Variants in CACNA1B observed in about 807,000 individuals in gnomAD.
The protein encoded by CACNA1B is voltage-dependent N-type calcium channel subunit alpha-1B.
In CACNA1B, 70 loss-of-function variants were observed where a neutral mutation model predicts 247.2. That is an observed-to-expected ratio of 0.28 (90% CI 0.23 to 0.35). The LOEUF is 0.35. Among genes scored for constraint, CACNA1B ranks in the 10% least tolerant of loss-of-function variants. The probability of loss-of-function intolerance (pLI) is 1.00; values close to 1 mark genes in which losing one functional copy is unlikely to be tolerated. For missense variants in CACNA1B, 2,367 were observed against 3,197.4 expected (o/e 0.74, Z 6.26); for synonymous variants, 1,231 against 1,294.4 (o/e 0.95, Z 1.05).
At chr9:137,893,366 A>C (rs1374067089) in intron 3 of CACNA1B, among the ~76,000 whole-genome samples, 1 of 151,308 alleles carries the variant, frequency 6.6e-6, no homozygotes, top group Non-Finnish European at 1.5e-5. Flanking sequence ...AAAAAAAAAA[A>C]AACACTGGGT....
chr9:138,009,824 T>C (rs978127336), intron 16 of CACNA1B, among the ~76,000 whole-genome samples, 186 bp from the exon 17 acceptor site: 4 of 151,708 alleles, frequency 2.6e-5, no homozygotes, highest in African/African-American at 9.7e-5. Context: ...GAGGTGAGGA[T>C]GGAACAGGGG....
At chr9:137,969,018 G>A (rs540506825) in intron 10 of CACNA1B, among the ~76,000 whole-genome samples, 2 of 152,348 alleles carry the variant, frequency 1.3e-5, no homozygotes, top group Middle Eastern at 3.4e-3. Context: ...AGATGTTTCC[G>A]CGTTTCCTGT....
Position 138,120,832 on chromosome 9 carries a change from G to A in CACNA1B, c.6440G>A (p.Ser2147Asn). ...EPPKPKPSLS[S>N]HPTSPTAGQE... Reference sequence around the variant, plus strand: ...CCGAAGCCCAAGCCCTCCCTCAGCAGCCACCCAACGTCGCCAACAGCTGGC... The same window carrying A: ...CCGAAGCCCAAGCCCTCCCTCAGCAACCACCCAACGTCGCCAACAGCTGGC... The change falls in exon 46 of 47, where the codon AGC (serine) becomes AAC (asparagine). Residue 2147 changes from serine (S) to asparagine (N), a missense_variant. Coordinates refer to ENST00000371372, the MANE Select transcript of CACNA1B (RefSeq NM_000718.4). 6.4e-7 allele frequency: 1 copy of A among 1,571,086 alleles called. No homozygotes were observed. Among genetic ancestry groups the A allele is most frequent in the South Asian group, 1.2e-5 (1 of 85,438 alleles).
At chr9:138,093,875 A>C (rs542992420) in intron 36 of CACNA1B, among the ~76,000 whole-genome samples, 16 of 151,734 alleles carry the variant, frequency 1.1e-4, no homozygotes, top group African/African-American at 3.9e-4. Flanking sequence ...TCCTCAAAAT[A>C]GTAGTAAAAG....
chr9:138,117,471 G>C (rs1385106012), intron 42 of CACNA1B, among the ~76,000 whole-genome samples: 2 of 152,112 alleles, frequency 1.3e-5, no homozygotes, highest in South Asian at 2.1e-4. Flanking sequence ...TTCTCTTGCT[G>C]TCTGCTGGCA....
intron 36 of CACNA1B, among the ~76,000 whole-genome samples, chr9:138,080,689 G>T (rs958548748): frequency 5.3e-5 from 8 of 152,180 alleles, no homozygotes; most frequent in Admixed American, 3.3e-4. Context: ...CTTAATAGAT[G>T]ATGTGAGCCC....
rs1957207401 is a variant in CACNA1B at position 137,899,414 on chromosome 9, G to GT, written c.531-13765dup. 6.6e-6 allele frequency among the ~76,000 whole-genome samples: 1 copy of GT among 152,180 alleles called. No individual in the cohort carries two copies. Among genetic ancestry groups the GT allele is most frequent in the South Asian group, 2.1e-4 (1 of 4,834 alleles). ...GTTTCCTTCTCTTACAAAGAACTGT[G>GT]TAGTCTGCCAACTCCTGAGGGTGTC... is the stretch of plus-strand genomic sequence containing the variant. On this transcript the variant is annotated intron_variant, in intron 3 of 46. Transcript: ENST00000371372. The surrounding 1 kb of genome is among the most constrained non-coding windows in gnomAD (Gnocchi z 5.0).
chr9:138,016,114 TATA>T (rs1958789062), intron 18 of CACNA1B, among the ~76,000 whole-genome samples: 1 of 152,134 alleles, frequency 6.6e-6, no homozygotes, highest in South Asian at 2.1e-4. Context: ...CACATTCAGT[TATA>T]ATCATCCCAC....
At chr9:137,946,162 G>T (rs1957794074) in intron 6 of CACNA1B, among the ~76,000 whole-genome samples, 1 of 152,046 alleles carries the variant, frequency 6.6e-6, no homozygotes, top group African/African-American at 2.4e-5. Flanking sequence ...TTTAGGACAA[G>T]AATTTACCAT....
In CACNA1B at chr9:137,913,534, T is replaced by C. The variant is rs1957380264; in HGVS notation, c.622+263T>C. 6.6e-6 allele frequency among the ~76,000 whole-genome samples: 1 copy of C among 152,220 alleles called. No homozygotes were observed. The highest frequency in any genetic ancestry group is 6.5e-5 in the Admixed American group (1 of 15,286). On this transcript the variant is annotated intron_variant, in intron 4 of 46. Coordinates refer to ENST00000371372, the MANE Select transcript of CACNA1B (RefSeq NM_000718.4). This position sits in a 1 kb window ranked among gnomAD's most constrained non-coding sequence, Gnocchi z 5.2. ...AAGCTTTGTTCCTCCTCACATACTC[T>C]GTCACATTTCAGCATTTTGCTTCTT... is the stretch of plus-strand genomic sequence containing the variant.
rs116598517 is a variant in CACNA1B at position 137,982,081 on chromosome 9, C to A, written c.1657-2057C>A. On this transcript the variant is annotated intron_variant, in intron 12 of 46. Coordinates refer to ENST00000371372, the MANE Select transcript of CACNA1B (RefSeq NM_000718.4). ...TGTATTGACTTTTCCTGCTGGGGAA[C>A]AAATTATCCAAAAGCTTGGTGGCAT... 5.5e-3 allele frequency among the ~76,000 whole-genome samples: 841 copies of A among 152,288 alleles called. 7 individuals carry two copies. Among genetic ancestry groups the A allele is most frequent in the African/African-American group, 0.019 (800 of 41,548 alleles).
At chr9:137,898,485 GTTC>G (rs1053301485) in intron 3 of CACNA1B, among the ~76,000 whole-genome samples, 30 of 151,776 alleles carry the variant, frequency 2.0e-4, no homozygotes, top group African/African-American at 7.0e-4. Flanking sequence ...AGGCTCTGTT[GTTC>G]TTCTTCTTCT....
chr9:137,980,097 C>T (rs1254988083), intron 12 of CACNA1B, among the ~76,000 whole-genome samples: 2 of 152,226 alleles, frequency 1.3e-5, no homozygotes, highest in African/African-American at 4.8e-5. Flanking sequence ...CAGCCTACTT[C>T]CCACTGGCAG....
Position 137,952,134 on chromosome 9 carries a change from C to A in CACNA1B, c.967-140C>A. 1 of 664,002 alleles carries A rather than the reference C, an allele frequency of 1.5e-6. No individual in the cohort carries two copies. Among genetic ancestry groups the A allele is most frequent in the South Asian group, 1.7e-5 (1 of 58,232 alleles). 41.1% of individuals were successfully genotyped at this position (664,002 alleles called of 1,614,324 possible). On this transcript the variant is annotated intron_variant, in intron 6 of 46. Coordinates refer to ENST00000371372, the MANE Select transcript of CACNA1B (RefSeq NM_000718.4). The surrounding 1 kb of genome is among the most constrained non-coding windows in gnomAD (Gnocchi z 4.8). ...ACTCCAGCCCCATGCTTGGACCTCC[C>A]TGTGACTGGCCTCCCCACTGCCTGG... is the stretch of plus-strand genomic sequence containing the variant.
intron 3 of CACNA1B, among the ~76,000 whole-genome samples, chr9:137,884,690 G>A (rs1458027037): frequency 6.6e-6 from 1 of 151,910 alleles, no homozygotes; most frequent in African/African-American, 2.4e-5. Flanking sequence ...TGGGGGGTGC[G>A]GGCCAGCGGG....
chr9:137,926,473 G>A (rs971223457), intron 6 of CACNA1B, among the ~76,000 whole-genome samples: 5 of 152,154 alleles, frequency 3.3e-5, no homozygotes, highest in Non-Finnish European at 5.9e-5. Context: ...TAACTCTTAC[G>A]AAGAGTGCTG....
intron 6 of CACNA1B, among the ~76,000 whole-genome samples, chr9:137,934,180 C>T (rs1255718166): frequency 6.6e-6 from 1 of 152,214 alleles, no homozygotes; most frequent in Admixed American, 6.5e-5. Flanking sequence ...ACTGTTCCCA[C>T]AGGTTCACAG....
Position 137,990,216 on chromosome 9 carries a change from A to G in CACNA1B, c.1974+3362A>G, listed in dbSNP as rs995060965. ...TCTCCCACTTTCCTGGAGGACCTGT[A>G]TGACTAATGGCCTTAATCCTCCTGG... On this transcript the variant is annotated intron_variant, in intron 15 of 46. Coordinates refer to ENST00000371372, the MANE Select transcript of CACNA1B (RefSeq NM_000718.4). The surrounding 1 kb of genome is among the most constrained non-coding windows in gnomAD (Gnocchi z 4.5). Among the ~76,000 whole-genome samples the G allele has an allele frequency of 1.3e-5, 2 of 152,042 alleles. No homozygotes were observed. The highest frequency in any genetic ancestry group is 1.3e-4 in the Admixed American group (2 of 15,266).
rs1589006206 is a variant in CACNA1B at position 137,919,783 on chromosome 9, G to A, written c.966+2352G>A. Among the ~76,000 whole-genome samples the A allele has an allele frequency of 6.6e-6, 1 of 152,356 alleles. No individual in the cohort carries two copies. The highest frequency in any genetic ancestry group is 2.4e-5 in the African/African-American group (1 of 41,592). On this transcript the variant is annotated intron_variant, in intron 6 of 46. Coordinates refer to ENST00000371372, the MANE Select transcript of CACNA1B (RefSeq NM_000718.4). The surrounding 1 kb of genome is among the most constrained non-coding windows in gnomAD (Gnocchi z 4.6). Reference sequence around the variant, plus strand: ...GGTGTGAGCAACAGCGGGCAGCCAGGACCGGGTGAGTGATGGGGTCTCAGA... The same window carrying A: ...GGTGTGAGCAACAGCGGGCAGCCAGAACCGGGTGAGTGATGGGGTCTCAGA...
Sources: allele counts gnomAD v4.1 joint callset (sites outside exome capture counted in the v4.1 genomes callset), GRCh38; gene constraint gnomAD v4.1.1; non-coding constraint Gnocchi (gnomAD v3.1); transcripts MANE v1.5; gene names NCBI Gene and HGNC (gene_info 2026-07-23, HGNC 2026-07-21).